ABCD3: variants seen among roughly 807,000 people sequenced by gnomAD.
ABCD3 encodes the protein ATP binding cassette subfamily D member 3.
ABCD3 carries 41 observed loss-of-function variants against 105.5 expected under a neutral mutation model. The observed-to-expected ratio is 0.39, with a 90% confidence interval of 0.30 to 0.50. The LOEUF is 0.50. Ranked by LOEUF, ABCD3 falls within the 20% of genes least tolerant of loss-of-function variation. The pLI is 0.84. For synonymous variants in ABCD3, 258 were observed against 269.0 expected (o/e 0.96, Z 0.40); for missense variants, 622 against 806.3 (o/e 0.77, Z 2.77).
intron 1 of ABCD3, among the ~76,000 whole-genome samples, chr1:94,453,647 C>T (rs1289110751): frequency 6.6e-6 from 1 of 151,768 alleles, no homozygotes; most frequent in African/African-American, 2.4e-5. Context: ...GAAAATTAAC[C>T]ATTTCATTCA....
intron 1 of ABCD3, among the ~76,000 whole-genome samples, chr1:94,451,875 T>C (rs914137152): frequency 1.3e-5 from 2 of 152,188 alleles, no homozygotes; most frequent in Non-Finnish European, 2.9e-5. Context: ...TGCTAATACT[T>C]CCTCTGTCTT....
chr1:94,506,617 G>C lies in ABCD3; in HGVS notation c.1820G>C (p.Gly607Ala). The C allele has an allele frequency of 1.9e-6, 3 of 1,612,632 alleles. No homozygotes were observed. The highest frequency in any genetic ancestry group is 2.5e-6 in the Non-Finnish European group (3 of 1,179,030). ...AGTGCAGTTAGTGTCGACGTGGAAG[G>C]CTACATTTATAGTCATTGTCGAAAG... The part of the protein sequence containing the change: ...CTSAVSVDVE[G>A]YIYSHCRKVG... The change falls in exon 21 of 23, where the codon GGC becomes GCC. Residue 607 changes from glycine (G) to alanine (A), a missense_variant. By Grantham distance (60) the Gly-to-Ala change is moderately conservative (BLOSUM62 0). Transcript: ENST00000370214.
At chr1:94,440,677 A>G (rs143177252) in intron 1 of ABCD3, among the ~76,000 whole-genome samples, 2 of 152,190 alleles carry the variant, frequency 1.3e-5, no homozygotes, top group East Asian at 1.9e-4. Context: ...TCACTCTGCT[A>G]CCTTTCGGGT....
chr1:94,468,898 T>A (rs551732866), intron 4 of ABCD3, among the ~76,000 whole-genome samples: 1 of 152,166 alleles, frequency 6.6e-6, no homozygotes, highest in East Asian at 1.9e-4. Context: ...GTATAAGGAT[T>A]AAAGCCTTGA....
At chr1:94,394,325 A>G in the ABCD3 span, among the ~76,000 whole-genome samples, 1 of 152,230 alleles carries the variant, frequency 6.6e-6, no homozygotes, top group Non-Finnish European at 1.5e-5. Flanking sequence ...GAGAGTTGAC[A>G]TAGCCCTGTA....
At chr1:94,389,918 G>A in the ABCD3 span, among the ~76,000 whole-genome samples, 12 of 152,194 alleles carry the variant, frequency 7.9e-5, no homozygotes, top group African/African-American at 2.9e-4. Flanking sequence ...CACAGTTATA[G>A]TCTGTAGAAT....
At chr1:94,430,702 G>A (rs1405602331) in intron 1 of ABCD3, among the ~76,000 whole-genome samples, 1 of 152,102 alleles carries the variant, frequency 6.6e-6, no homozygotes, top group Admixed American at 6.5e-5. Context: ...CCAGTCTTAG[G>A]TATGTTTTTA....
At chr1:94,405,212 T>C in the ABCD3 span, among the ~76,000 whole-genome samples, 1 of 152,304 alleles carries the variant, frequency 6.6e-6, no homozygotes, top group Middle Eastern at 3.4e-3. Flanking sequence ...TATTTGAATC[T>C]GTGTAGCCAA....
the ABCD3 span, among the ~76,000 whole-genome samples, chr1:94,398,845 C>A: frequency 6.6e-6 from 1 of 151,970 alleles, no homozygotes; most frequent in East Asian, 1.9e-4. Context: ...ACCCAGGAGG[C>A]AGAGGATGCA....
At chr1:94,506,420 A>G in intron 20 of ABCD3, 118 bp from the exon 21 acceptor site, 1 of 662,346 alleles carries the variant, frequency 1.5e-6, no homozygotes, top group South Asian at 1.6e-5. Flanking sequence ...TTGAATTAGA[A>G]TAATTTTTAT....
At chr1:94,450,305 G>A (rs1660529045) in intron 1 of ABCD3, among the ~76,000 whole-genome samples, 1 of 152,124 alleles carries the variant, frequency 6.6e-6, no homozygotes. Context: ...AGGGGGACAT[G>A]TTGGGAACAG....
At chr1:94,462,837 G>A (rs1647945310) in intron 2 of ABCD3, among the ~76,000 whole-genome samples, 1 of 152,088 alleles carries the variant, frequency 6.6e-6, no homozygotes, top group African/African-American at 2.4e-5. Flanking sequence ...AGGAGGGAGT[G>A]GTGATGGCGA....
In ABCD3 at chr1:94,518,510, A is replaced by AC. The variant is rs1557696933; in HGVS notation, c.*1381_*1382insC. On this transcript the variant is annotated 3_prime_UTR_variant, in exon 23 of 23. Transcript: ENST00000370214. Reference sequence around the variant, plus strand: ...TCTGTTCAGATTAAAAAAAAAAAAAAAAAACTCAGATATCCTATACAACCT... The same window carrying AC: ...TCTGTTCAGATTAAAAAAAAAAAAAACAAAACTCAGATATCCTATACAACCT... 12 of 152,134 alleles carry AC rather than the reference A, an allele frequency of 7.9e-5. No homozygotes were observed. The allele number at this position is 152,134 out of a possible 1,614,324, so 9.4% of individuals were successfully genotyped here. A position where few individuals can be genotyped will look rare whatever the true frequency, so the allele number is the denominator to read the frequency against.
chr1:94,403,561 C>T, the ABCD3 span, among the ~76,000 whole-genome samples: 1 of 152,152 alleles, frequency 6.6e-6, no homozygotes, highest in Non-Finnish European at 1.5e-5. Context: ...AGTTGGCCTT[C>T]GCATTTACCT....
intron 1 of ABCD3, among the ~76,000 whole-genome samples, chr1:94,440,870 A>G (rs2100913043): frequency 6.6e-6 from 1 of 152,310 alleles, no homozygotes; most frequent in African/African-American, 2.4e-5. Flanking sequence ...CTTCAAAATA[A>G]TCCCATTTAT....
intron 1 of ABCD3, among the ~76,000 whole-genome samples, chr1:94,442,664 T>C (rs1346167752): frequency 6.6e-6 from 1 of 152,184 alleles, no homozygotes; most frequent in Admixed American, 6.5e-5. Flanking sequence ...GTTATTCCAC[T>C]CTGTATGTCT....
chr1:94,516,982 T>C (rs559587736), intron 22 of ABCD3, 70 bp from the exon 23 acceptor site: 14 of 1,068,656 alleles, frequency 1.3e-5, no homozygotes, highest in Non-Finnish European at 1.9e-5. Context: ...GTCTGTATTT[T>C]ACTTTTCATA....
intron 1 of ABCD3, among the ~76,000 whole-genome samples, chr1:94,446,438 A>C (rs1182900248): frequency 6.6e-6 from 1 of 152,346 alleles, no homozygotes; most frequent in East Asian, 1.9e-4. Context: ...TACATACAGG[A>C]GTCATTGATT....
intron 1 of ABCD3, among the ~76,000 whole-genome samples, chr1:94,445,129 C>T (rs1328748505): frequency 6.6e-6 from 1 of 152,228 alleles, no homozygotes; most frequent in Admixed American, 6.5e-5. Flanking sequence ...AATGCTTATA[C>T]TGGCTTGCTA....
Sources: allele counts gnomAD v4.1 joint callset (sites outside exome capture counted in the v4.1 genomes callset), GRCh38; gene constraint gnomAD v4.1.1; transcripts MANE v1.5; gene names NCBI Gene and HGNC (gene_info 2026-07-23, HGNC 2026-07-21).